Variants in GREB1 observed in about 807,000 individuals in gnomAD.
GREB1 encodes growth regulating estrogen receptor binding 1.
A neutral mutation model predicts 200.7 loss-of-function variants in GREB1; 106 were observed. That is an observed-to-expected ratio of 0.53 (90% CI 0.45 to 0.62). GREB1 has a LOEUF of 0.62. Ranked by LOEUF, GREB1 falls within the 20% of genes least tolerant of loss-of-function variation. The pLI is 0.00. For missense variants in GREB1, 2,243 were observed against 2,556.8 expected (o/e 0.88, Z 2.65); for synonymous variants, 1,132 against 1,092.4 (o/e 1.04, Z -0.72).
In GREB1 at chr2:11,615,238, T is replaced by C. The variant is rs1363601348; in HGVS notation, c.3270T>C (p.Asp1090=). The C allele has an allele frequency of 6.2e-7, 1 of 1,612,004 alleles. No individual in the cohort carries two copies. Among genetic ancestry groups the C allele is most frequent in the African/African-American group, 1.3e-5 (1 of 74,914 alleles). ...CTAGGAACGAGGCCTTGGAGAGTGATGCTGAGAAGCTGAGCAGCACAGACA... is the reference window on the plus strand; with the variant it reads ...CTAGGAACGAGGCCTTGGAGAGTGACGCTGAGAAGCTGAGCAGCACAGACA... ...KGARNEALES[D]AEKLSSTDNE... The change falls in exon 20 of 33, where the codon GAT becomes GAC. Residue 1090 remains aspartate (D), a synonymous_variant. Transcript: ENST00000381486.
rs759627001 is a variant in GREB1, at chr2:11,615,269, G to A, written c.3301G>A (p.Asp1101Asn). Reference protein sequence around the residue: ...AEKLSSTDNEDEELGTEGSTS... With the variant: ...AEKLSSTDNENEELGTEGSTS... ...GAAGCTGAGCAGCACAGACAACGAG[G>A]ATGAGGAGCTGGGGACAGAAGGTGA... The change falls in exon 20 of 33, where the codon GAT becomes AAT. Residue 1101 changes from aspartate to asparagine, a missense_variant. Asp to Asn is a conservative substitution (Grantham distance 23). This residue lies in a region of GREB1 where 587 missense variants were observed against 553.1 expected (regional missense o/e 1.06). Coordinates refer to ENST00000381486, the MANE Select transcript of GREB1 (RefSeq NM_014668.4). The A allele has an allele frequency of 6.3e-7, 1 of 1,597,130 alleles. No homozygotes were observed. Among genetic ancestry groups the A allele is most frequent in the Non-Finnish European group, 8.5e-7 (1 of 1,171,112 alleles).
At chr2:11,574,606 G>T (rs1057290169) in intron 4 of GREB1, among the ~76,000 whole-genome samples, 1 of 152,184 alleles carries the variant, frequency 6.6e-6, no homozygotes, top group South Asian at 2.1e-4. Flanking sequence ...GGGCAGCCTC[G>T]GATGCCAGGC....
chr2:11,639,379 G>C (rs1572241658), intron 32 of GREB1, among the ~76,000 whole-genome samples: 1 of 152,164 alleles, frequency 6.6e-6, no homozygotes, highest in Non-Finnish European at 1.5e-5. Flanking sequence ...GTGAGCCACC[G>C]CACCAGCCAT....
At chr2:11,621,699 G>C (rs148513982) in intron 23 of GREB1, among the ~76,000 whole-genome samples, 11 of 152,338 alleles carry the variant, frequency 7.2e-5, no homozygotes, top group Non-Finnish European at 1.3e-4. Flanking sequence ...GTGTTGTGGA[G>C]AGGTTGCCAG....
chr2:11,637,635 G>A (rs1361358897), intron 30 of GREB1, 81 bp from the exon 31 acceptor site: 9 of 1,309,300 alleles, frequency 6.9e-6, no homozygotes, highest in Non-Finnish European at 9.7e-6. Flanking sequence ...CCATGCTTGG[G>A]CCACCCTTGC....
intron 1 of GREB1, among the ~76,000 whole-genome samples, chr2:11,545,705 A>G (rs573760989): frequency 6.6e-6 from 1 of 152,306 alleles, no homozygotes; most frequent in Admixed American, 6.5e-5. Flanking sequence ...CTTGAATGTC[A>G]CCCAGCCTCA....
rs749481188 is a variant in GREB1 at position 11,618,458 on chromosome 2, G to C, written c.3583G>C (p.Gly1195Arg). 3.2e-5 allele frequency: 52 copies of C among 1,605,234 alleles called. No homozygotes were observed. Among genetic ancestry groups the C allele is most frequent in the Non-Finnish European group, 3.8e-5 (45 of 1,176,784 alleles). The change falls in exon 22 of 33, where the codon GGG becomes CGG. Residue 1195 changes from glycine to arginine, a missense_variant. Gly to Arg is a moderately radical substitution (Grantham distance 125). Around this residue, in one of 3 missense-constraint regions of GREB1, gnomAD observed 587 missense variants for 553.1 expected, o/e 1.06. Transcript: ENST00000381486. ...CTCGGCCATCAGCAGGCACAGTCCC[G>C]GGCCGACGCCCCAGCCCGACTGTAG... Reference protein sequence around the residue: ...PPSAISRHSPGPTPQPDCSLR... With the variant: ...PPSAISRHSPRPTPQPDCSLR...
intron 1 of GREB1, among the ~76,000 whole-genome samples, chr2:11,516,041 G>A (rs1673486511): frequency 6.6e-6 from 1 of 152,204 alleles, no homozygotes; most frequent in African/African-American, 2.4e-5. Flanking sequence ...GGCATTGAAA[G>A]TGAAAATGTG....
chr2:11,602,476 G>T lies in GREB1; in HGVS notation c.2600G>T (p.Gly867Val). The change falls in exon 17 of 33, where the codon GGA (glycine) becomes GTA (valine). Residue 867 changes from glycine to valine, a missense_variant. Transcript: ENST00000381486. The part of the protein sequence containing the change: ...LSEFIESTLS[G>V]HSLPLLRYDS... ...GAGTTTATTGAATCCACCCTTTCAG[G>T]ACACAGCCTCCCCTTGCTCAGATAC... The T allele has an allele frequency of 6.2e-7, 1 of 1,613,246 alleles. No individual in the cohort carries two copies. The highest frequency in any genetic ancestry group is 1.1e-5 in the South Asian group (1 of 91,068).
chr2:11,578,722 G>C (rs1032701906), intron 6 of GREB1, among the ~76,000 whole-genome samples: 1 of 152,118 alleles, frequency 6.6e-6, no homozygotes, highest in Non-Finnish European at 1.5e-5. Context: ...GCACAGCATA[G>C]AGCTCTCTAT....
intron 23 of GREB1, among the ~76,000 whole-genome samples, chr2:11,623,887 G>A (rs1160952806): frequency 6.6e-6 from 1 of 152,080 alleles, no homozygotes; most frequent in African/African-American, 2.4e-5. Flanking sequence ...GGGTGACAGA[G>A]CGAGACTCTG....
At chr2:11,522,307 C>T (rs1367172721) in intron 1 of GREB1, among the ~76,000 whole-genome samples, 1 of 152,120 alleles carries the variant, frequency 6.6e-6, no homozygotes, top group Non-Finnish European at 1.5e-5. Context: ...TGCTCAATGT[C>T]ATTGCCAAGG....
intron 12 of GREB1, among the ~76,000 whole-genome samples, 190 bp from the exon 13 acceptor site, chr2:11,595,921 G>C (rs566273862): frequency 2.0e-5 from 3 of 152,044 alleles, no homozygotes; most frequent in African/African-American, 4.8e-5. Context: ...ATGTCTGTGT[G>C]GGGGGAGCTC....
At chr2:11,636,394 A>T (rs915653900) in intron 30 of GREB1, among the ~76,000 whole-genome samples, 5 of 150,456 alleles carry the variant, frequency 3.3e-5, no homozygotes, top group Non-Finnish European at 7.3e-5. Context: ...TTATTGAAAC[A>T]TAATCTTAAT....
At chr2:11,619,057 C>G in intron 22 of GREB1, 138 bp downstream of exon 22, 1 of 888,952 alleles carries the variant, frequency 1.1e-6, no homozygotes, top group Non-Finnish European at 1.6e-6. Flanking sequence ...CTCCAATGGC[C>G]TGGGGTGGAC....
intron 4 of GREB1, among the ~76,000 whole-genome samples, chr2:11,569,068 G>T (rs1216848752): frequency 2.0e-5 from 3 of 152,134 alleles, no homozygotes. Context: ...TTGTTTTTGT[G>T]ACTTTTAATC....
At chr2:11,560,368 T>G (rs1676883625) in intron 2 of GREB1, among the ~76,000 whole-genome samples, 1 of 152,094 alleles carries the variant, frequency 6.6e-6, no homozygotes, top group South Asian at 2.1e-4. Context: ...AGTTTGAGAC[T>G]TGACAGCAAA....
At chr2:11,624,926 G>A (rs1007026212) in intron 23 of GREB1, among the ~76,000 whole-genome samples, 34 of 152,162 alleles carry the variant, frequency 2.2e-4, no homozygotes, top group African/African-American at 7.2e-4. Flanking sequence ...GTGGACACCC[G>A]TGCTCACAGG....
chr2:11,588,606 G>T (rs1416169695), intron 9 of GREB1, 140 bp from the exon 10 acceptor site: 1 of 796,204 alleles, frequency 1.3e-6, no homozygotes, highest in African/African-American at 1.7e-5. Context: ...AATGAGCAAG[G>T]CTTCCCAGGA....
Sources: gnomAD v4.1 joint callset for allele counts (sites outside exome capture counted in the v4.1 genomes callset) on GRCh38, gnomAD v4.1.1 for gene constraint, gnomAD v4.1.1 regional missense constraint, MANE v1.5 for transcripts, NCBI Gene and HGNC (gene_info 2026-07-23, HGNC 2026-07-21) for gene names.